Variants in HIP1R observed in about 807,000 individuals in gnomAD.
The protein encoded by HIP1R is huntingtin-interacting protein 1-related protein.
HIP1R carries 135 observed loss-of-function variants against 144.2 expected under a neutral mutation model. That is an observed-to-expected ratio of 0.94 (90% CI 0.81 to 1.08). The LOEUF is 1.08. Ranked by LOEUF, HIP1R falls within the 50% of genes least tolerant of loss-of-function variation. The pLI is 0.00. For missense variants in HIP1R, 1,462 were observed against 1,432.8 expected, an observed-to-expected ratio of 1.02 and a Z score of -0.33; for synonymous variants, 698 against 612.8, an observed-to-expected ratio of 1.14 and a Z score of -2.05.
rs776826937 is a variant in HIP1R at position 122,851,218 on chromosome 12, C to T, written c.516-18C>T. On this transcript the variant is annotated intron_variant, in intron 6 of 31. Transcript: ENST00000253083. ...CCACCCACCCTTTTTCATTTCTTCC[C>T]CCACTTCTCTTGCGTAGCTTCCAGC... 3 of 1,494,386 alleles carry T rather than the reference C, an allele frequency of 2.0e-6. No homozygotes were observed. The highest frequency in any genetic ancestry group is 2.7e-5 in the South Asian group (2 of 72,738). 92.6% of individuals were successfully genotyped at this position (1,494,386 alleles called of 1,614,324 possible).
rs373626844 is a variant in HIP1R, at chr12:122,858,445, G to C, written c.2050+10G>C. ...CTGACCTCCTTGGCAGGTGAGTGTA[G>C]CCAGGGCAGGGCGGAGGCGGGGGCT... On this transcript the variant is annotated intron_variant, in intron 20 of 31. Transcript: ENST00000253083. 27 of 1,593,508 alleles carry C rather than the reference G, an allele frequency of 1.7e-5. No individual in the cohort carries two copies. Among genetic ancestry groups the C allele is most frequent in the Non-Finnish European group, 2.1e-5 (25 of 1,168,538 alleles).
In HIP1R at chr12:122,856,799, G is replaced by A. The variant is rs536075837; in HGVS notation, c.1620+73G>A. ...GGGTGGAAGTCAGGTCCTCTTTCCC[G>A]TGAACAGGCCCCACCTGGGTGCCAC... On this transcript the variant is annotated intron_variant, in intron 17 of 31. Transcript: ENST00000253083. 2.3e-4 allele frequency: 307 copies of A among 1,320,320 alleles called. No homozygotes were observed. In the African/African-American group the frequency reaches 3.6e-3, roughly 16 times the overall value. 81.8% of individuals were successfully genotyped at this position (1,320,320 alleles called of 1,614,324 possible). A position where few individuals can be genotyped will look rare whatever the true frequency, so the allele number is the denominator to read the frequency against.
At chr12:122,858,040 C>T in intron 18 of HIP1R, 62 bp from the exon 19 acceptor site, 9 of 1,460,024 alleles carry the variant, frequency 6.2e-6, no homozygotes, top group Non-Finnish European at 8.3e-6. Context: ...CATTCCAGGG[C>T]TGGGGCACAT....
intron 26 of HIP1R, 28 bp downstream of exon 26, chr12:122,860,238 G>C (rs1260727199): frequency 6.5e-7 from 1 of 1,542,260 alleles, no homozygotes; most frequent in South Asian, 1.2e-5. Flanking sequence ...GCAGGGCACA[G>C]TCCACAAGGA....
Position 122,860,484 on chromosome 12 carries a change from C to T in HIP1R, c.2621C>T (p.Ser874Leu), listed in dbSNP as rs138744947. The T allele has an allele frequency of 7.4e-6, 12 of 1,613,044 alleles. No homozygotes were observed. Among genetic ancestry groups the T allele is most frequent in the East Asian group, 2.2e-5 (1 of 44,894 alleles). Residue 874 changes from serine to leucine, a missense_variant, in exon 27 of 32, where the codon TCG becomes TTG. Transcript: ENST00000253083. ...TCGCGCTGGACCGAAGGCCTCATCT[C>T]GGCCTCCAAGGCTGTGGGCTGGGGA... is the stretch of plus-strand genomic sequence containing the variant. ...KNSRWTEGLISASKAVGWGAT... is the reference protein window; with the variant it reads ...KNSRWTEGLILASKAVGWGAT...
rs2032888216 is a variant in HIP1R at position 122,836,129 on chromosome 12, C to T, written c.93+486C>T. ...CCGGCTCCTGCCCCCGTCTCCTACC[C>T]CCTGAAACCGATGCCCCCACGGGCA... On this transcript the variant is annotated intron_variant, in intron 1 of 31. Transcript: ENST00000253083. The surrounding 1 kb of genome is among the most constrained non-coding windows in gnomAD (Gnocchi z 4.1). Among the ~76,000 whole-genome samples, 1 of 152,068 alleles carries T rather than the reference C, an allele frequency of 6.6e-6. No homozygotes were observed. Among genetic ancestry groups the T allele is most frequent in the African/African-American group, 2.4e-5 (1 of 41,430 alleles).
chr12:122,854,458 AG>A (rs1202359561), intron 8 of HIP1R, among the ~76,000 whole-genome samples: 2 of 152,024 alleles, frequency 1.3e-5, no homozygotes, highest in African/African-American at 4.8e-5. Flanking sequence ...AGCTGCTCCC[AG>A]GAATCTCCCG....
rs1186326454 is a variant in HIP1R, at chr12:122,857,172, G to A, written c.1772G>A (p.Ser591Asn). The change falls in exon 18 of 32, where the codon AGC becomes AAC. Residue 591 changes from serine (S) to asparagine (N), a missense_variant. Physicochemically the swap from Ser to Asn is conservative, Grantham distance 46 (BLOSUM62 1). Coordinates refer to ENST00000253083, the MANE Select transcript of HIP1R (RefSeq NM_003959.3). ...GCGCTGAGCCGGGAGCAGCAGCGCA[G>A]CTCCCAGGAGCAGGGCGAGTTGCAG... ...EAALSREQQR[S>N]SQEQGELQGR... 2 of 1,550,446 alleles carry A rather than the reference G, an allele frequency of 1.3e-6. No individual in the cohort carries two copies. Among genetic ancestry groups the A allele is most frequent in the East Asian group, 2.4e-5 (1 of 40,922 alleles).
intron 9 of HIP1R, 42 bp from the exon 10 acceptor site, chr12:122,855,011 C>T (rs759596325): frequency 2.1e-5 from 34 of 1,613,460 alleles, no homozygotes; most frequent in South Asian, 9.9e-5. Context: ...GGAGAGGCTC[C>T]GTGGCCCCTT....
intron 6 of HIP1R, 116 bp downstream of exon 6, chr12:122,851,027 T>C: frequency 1.0e-6 from 1 of 963,114 alleles, no homozygotes; most frequent in East Asian, 2.7e-5. Context: ...GTCCGTGGCT[T>C]TGTTGGTTGA....
chr12:122,850,946 C>T, intron 6 of HIP1R, 35 bp downstream of exon 6: 1 of 1,568,030 alleles, frequency 6.4e-7, no homozygotes, highest in Non-Finnish European at 8.7e-7. Flanking sequence ...AGCCAGTTCC[C>T]CTCGGCTTCC....
At position 122,860,064 on chromosome 12, in the gene HIP1R, C is replaced by G; in HGVS notation, c.2483C>G (p.Thr828Arg). The G allele has an allele frequency of 6.4e-7, 1 of 1,573,658 alleles. No individual in the cohort carries two copies. The highest frequency in any genetic ancestry group is 1.2e-5 in the South Asian group (1 of 84,540). ...TCCCCCAGGATCCTCAACTCCTGCA[C>G]AGACCTGATGAAGGTGAGGGGCTGT... ...EVNERILNSC[T>R]DLMKAIRLLV... is the part of the protein sequence containing the mutation. Residue 828 changes from threonine to arginine, a missense_variant, in exon 25 of 32, where the codon ACA becomes AGA. Transcript: ENST00000253083.
rs2033721818 is a variant in HIP1R, at chr12:122,860,064, C to CA, written c.2484dup (p.Asp829ArgfsTer15). On this transcript the variant is annotated frameshift_variant, in exon 25 of 32. Coordinates refer to ENST00000253083, the MANE Select transcript of HIP1R (RefSeq NM_003959.3). LOFTEE classifies it high-confidence loss of function. ...TCCCCCAGGATCCTCAACTCCTGCA[C>CA]AGACCTGATGAAGGTGAGGGGCTGT... 6.4e-7 allele frequency: 1 copy of CA among 1,573,540 alleles called. No homozygotes were observed. Among genetic ancestry groups the CA allele is most frequent in the Non-Finnish European group, 8.6e-7 (1 of 1,160,444 alleles).
intron 10 of HIP1R, 56 bp downstream of exon 10, chr12:122,855,184 G>T: frequency 6.2e-7 from 1 of 1,611,322 alleles, no homozygotes; most frequent in Non-Finnish European, 8.5e-7. Context: ...ACCTGGCTGG[G>T]CCCCACACAG....
Position 122,860,544 on chromosome 12 carries a change from G to A in HIP1R, c.2660+21G>A, listed in dbSNP as rs370735146. ...CTGGTGTAGGTTGCCCTGGGTGGGGGGGGGCAGGGGGCTGCTTCCTGCCAG... is the reference window on the plus strand; with the variant it reads ...CTGGTGTAGGTTGCCCTGGGTGGGGAGGGGCAGGGGGCTGCTTCCTGCCAG... On this transcript the variant is annotated intron_variant, in intron 27 of 31. Transcript: ENST00000253083. 7.1e-4 allele frequency: 1,115 copies of A among 1,579,758 alleles called. 5 individuals carry two copies. The highest frequency in any genetic ancestry group is 8.9e-4 in the Non-Finnish European group (1,029 of 1,150,046).
chr12:122,840,814 G>A lies in HIP1R; in HGVS notation c.93+5171G>A, dbSNP rs2033035878. On this transcript the variant is annotated intron_variant, in intron 1 of 31. Coordinates refer to ENST00000253083, the MANE Select transcript of HIP1R (RefSeq NM_003959.3). This position sits in a 1 kb window ranked among gnomAD's most constrained non-coding sequence, Gnocchi z 4.2. The stretch of plus-strand genomic sequence containing the variant: ...ACATTATGAAGGCTCTCCAGGGTTG[G>A]GAGGATATTCTGGGGGACGACAGCC... Among the ~76,000 whole-genome samples the A allele has an allele frequency of 6.6e-6, 1 of 152,178 alleles. No homozygotes were observed. The highest frequency in any genetic ancestry group is 2.4e-5 in the African/African-American group (1 of 41,442).
Position 122,861,705 on chromosome 12 carries a change from G to C in HIP1R, c.3160-1G>C. ...TGACCCCCCACCTTTAACCCCTGCA[G>C]CTTGACAAAAAGGATGGCATCTACC... On this transcript the variant is annotated splice_acceptor_variant, in intron 31 of 31. Coordinates refer to ENST00000253083, the MANE Select transcript of HIP1R (RefSeq NM_003959.3). LOFTEE classifies it high-confidence loss of function. The C allele has an allele frequency of 6.2e-7, 1 of 1,614,086 alleles. No individual in the cohort carries two copies. Among genetic ancestry groups the C allele is most frequent in the Non-Finnish European group, 8.5e-7 (1 of 1,179,998 alleles).
At position 122,857,599 on chromosome 12, in the gene HIP1R, T is replaced by C. The variant is rs531573590; in HGVS notation, c.1815+384T>C. The C allele has an allele frequency of 4.5e-5, 18 of 398,468 alleles. No individual in the cohort carries two copies. In the East Asian group the frequency reaches 9.0e-4, roughly 20 times the overall value. The allele number at this position is 398,468 out of a possible 1,614,324, so 24.7% of individuals were successfully genotyped here. A position where few individuals can be genotyped will look rare whatever the true frequency, so the allele number is the denominator to read the frequency against. The stretch of plus-strand genomic sequence containing the variant: ...TTATCTTGGATAGATAGCTGATGTG[T>C]GTGGAACACAGTAGAACTGCTGGGT... On this transcript the variant is annotated intron_variant, in intron 18 of 31. Transcript: ENST00000253083.
chr12:122,859,011 T>G, intron 21 of HIP1R, 50 bp from the exon 22 acceptor site: 8 of 1,560,000 alleles, frequency 5.1e-6, no homozygotes, highest in Non-Finnish European at 6.9e-6. Flanking sequence ...GGGGTCCTTA[T>G]GGAGCCTGTC....
Sources: gnomAD v4.1 joint callset for allele counts (sites outside exome capture counted in the v4.1 genomes callset) on GRCh38, gnomAD v4.1.1 for gene constraint, Gnocchi (gnomAD v3.1) non-coding constraint, MANE v1.5 for transcripts, NCBI Gene and HGNC (gene_info 2026-07-23, HGNC 2026-07-21) for gene names.